Variants in CDH9 observed in about 807,000 individuals in gnomAD.
The protein encoded by CDH9 is cadherin 9, also known as cadherin-9.
In CDH9, 28 loss-of-function variants were observed where a neutral mutation model predicts 70.9. That is an observed-to-expected ratio of 0.40 (90% CI 0.29 to 0.54). The LOEUF (loss-of-function observed/expected upper bound fraction) is 0.54. Ranked by LOEUF, CDH9 falls within the 20% of genes least tolerant of loss-of-function variation. CDH9 has a pLI of 0.59. For synonymous variants in CDH9, 409 were observed against 343.1 expected (o/e 1.19, Z -2.12); for missense variants, 874 against 984.4 (o/e 0.89, Z 1.50).
At chr5:26,979,614 A>G (rs2112082524) in intron 2 of CDH9, among the ~76,000 whole-genome samples, 1 of 151,846 alleles carries the variant, frequency 6.6e-6, no homozygotes, top group Non-Finnish European at 1.5e-5. Context: ...GAATAAACCA[A>G]CTCTGAGCCC....
At chr5:27,008,495 A>G (rs1742905110) in intron 1 of CDH9, among the ~76,000 whole-genome samples, 2 of 151,940 alleles carry the variant, frequency 1.3e-5, no homozygotes, top group South Asian at 2.1e-4. Flanking sequence ...CTTTCAAAAA[A>G]AAAAAGTATA....
chr5:26,933,785 A>G (rs1741507985), intron 2 of CDH9, among the ~76,000 whole-genome samples: 2 of 151,792 alleles, frequency 1.3e-5, no homozygotes, highest in South Asian at 4.2e-4. Context: ...TCAAAATAAA[A>G]TAAAATAAAA....
At chr5:26,973,938 T>C (rs898454425) in intron 2 of CDH9, among the ~76,000 whole-genome samples, 7 of 152,122 alleles carry the variant, frequency 4.6e-5, no homozygotes, top group African/African-American at 9.7e-5. Context: ...AGATCATTTA[T>C]TCATGTTAAG....
At chr5:27,000,240 T>G (rs1181504592) in intron 1 of CDH9, among the ~76,000 whole-genome samples, 2 of 152,010 alleles carry the variant, frequency 1.3e-5, no homozygotes, top group Admixed American at 1.3e-4. Flanking sequence ...AAAGAAGATA[T>G]ACATATGAGA....
At chr5:26,966,194 C>T (rs780122211) in intron 2 of CDH9, among the ~76,000 whole-genome samples, 2 of 152,138 alleles carry the variant, frequency 1.3e-5, no homozygotes, top group South Asian at 2.1e-4. Flanking sequence ...GGCCGGTCTC[C>T]GTGTCTAAAT....
Position 26,885,997 on chromosome 5 carries a change from G to C in CDH9, c.1599C>G (p.Leu533=). 1 of 1,611,562 alleles carries C rather than the reference G, an allele frequency of 6.2e-7. No homozygotes were observed. Among genetic ancestry groups the C allele is most frequent in the Non-Finnish European group, 8.5e-7 (1 of 1,179,234 alleles). The change falls in exon 10 of 12, where the codon CTC becomes CTG. Residue 533 remains leucine (L), a synonymous_variant. Coordinates refer to ENST00000231021, the MANE Select transcript of CDH9 (RefSeq NM_016279.4). ...TATCTACAATGGTGAAATTCGGATT[G>C]AGAGTAAATTCTGGCACTGGTTCAA... ...FFFEPVPEFT[L]NPNFTIVDNK... is the part of the protein sequence containing the mutation.
intron 2 of CDH9, among the ~76,000 whole-genome samples, chr5:26,982,792 C>T (rs1237593693): frequency 1.3e-5 from 2 of 151,892 alleles, no homozygotes; most frequent in Non-Finnish European, 2.9e-5. Context: ...AAGTGATTCT[C>T]CTGCCTCAGC....
intron 1 of CDH9, among the ~76,000 whole-genome samples, chr5:27,008,261 G>A (rs1401477507): frequency 1.3e-5 from 2 of 152,054 alleles, no homozygotes; most frequent in East Asian, 1.9e-4. Flanking sequence ...TTTGGGAGGC[G>A]GGTGGATCAC....
intron 1 of CDH9, among the ~76,000 whole-genome samples, chr5:26,999,443 T>G (rs1022128045): frequency 8.5e-5 from 13 of 152,184 alleles, no homozygotes; most frequent in Admixed American, 8.5e-4. Flanking sequence ...TGTTACCAAG[T>G]GTTATGAATA....
chr5:26,968,663 A>C (rs1742167915), intron 2 of CDH9, among the ~76,000 whole-genome samples: 1 of 152,214 alleles, frequency 6.6e-6, no homozygotes, highest in Non-Finnish European at 1.5e-5. Flanking sequence ...AATCCCCAGA[A>C]GTATGAGAAG....
intron 1 of CDH9, among the ~76,000 whole-genome samples, chr5:27,021,700 A>C (rs1332889290): frequency 2.6e-5 from 4 of 152,050 alleles, no homozygotes; most frequent in African/African-American, 7.2e-5. Context: ...GCTGCTCTTC[A>C]TGTTCCCCAT....
intron 1 of CDH9, among the ~76,000 whole-genome samples, chr5:27,018,188 A>C (rs1743078621): frequency 6.6e-6 from 1 of 152,000 alleles, no homozygotes; most frequent in East Asian, 1.9e-4. Context: ...TGGTAACCCC[A>C]AAATTGAAAA....
At chr5:27,016,181 TGTGA>T (rs1226386500) in intron 1 of CDH9, among the ~76,000 whole-genome samples, 5 of 151,844 alleles carry the variant, frequency 3.3e-5, no homozygotes, top group East Asian at 1.9e-4. Context: ...AATACCAGCA[TGTGA>T]GTATCTACTA....
intron 1 of CDH9, among the ~76,000 whole-genome samples, chr5:27,008,217 C>T (rs774107893): frequency 6.6e-5 from 10 of 151,912 alleles, no homozygotes; most frequent in East Asian, 5.8e-4. Context: ...GTGTATAAAC[C>T]GGGCGGGGTG....
chr5:26,930,851 T>C lies in CDH9; in HGVS notation c.229-14927A>G, dbSNP rs553441217. On this transcript the variant is annotated intron_variant, in intron 2 of 11. Transcript: ENST00000231021. ...TACATTTCCAAGACATGTTTTAGAA[T>C]AGTGTGTTTCACTTCAGCCATAAAT... is the stretch of plus-strand genomic sequence containing the variant. Among the ~76,000 whole-genome samples, 6 of 152,224 alleles carry C rather than the reference T, an allele frequency of 3.9e-5. No individual in the cohort carries two copies. The East Asian group carries it at 7.7e-4, about 20-fold the overall frequency.
chr5:27,028,564 G>A (rs1252041444), intron 1 of CDH9, among the ~76,000 whole-genome samples: 2 of 151,926 alleles, frequency 1.3e-5, no homozygotes, highest in African/African-American at 4.8e-5. Context: ...GTCAGGCAAG[G>A]ACAAGTCTTT....
At chr5:26,932,777 T>C (rs2127428) in intron 2 of CDH9, among the ~76,000 whole-genome samples, 135,614 of 151,712 alleles carry the variant, frequency 0.89, 61,392 homozygotes, top group East Asian at 0.99. Flanking sequence ...TTCATATCCA[T>C]CATATTTGTA....
At chr5:26,976,047 C>T (rs1020604041) in intron 2 of CDH9, among the ~76,000 whole-genome samples, 11 of 152,088 alleles carry the variant, frequency 7.2e-5, no homozygotes, top group African/African-American at 2.4e-4. Context: ...GACAGAAATC[C>T]AAGTCACTTA....
chr5:26,930,110 A>G (rs537504218), intron 2 of CDH9, among the ~76,000 whole-genome samples: 1 of 152,192 alleles, frequency 6.6e-6, no homozygotes, highest in African/African-American at 2.4e-5. Context: ...TGTGCCCCAT[A>G]AATATATCCA....
Sources: gnomAD v4.1 joint callset for allele counts (sites outside exome capture counted in the v4.1 genomes callset) on GRCh38, gnomAD v4.1.1 for gene constraint, MANE v1.5 for transcripts, NCBI Gene and HGNC (gene_info 2026-07-23, HGNC 2026-07-21) for gene names.